Variants in CYP4X1 observed in about 807,000 individuals in gnomAD.
CYP4X1 encodes the protein cytochrome P450 family 4 subfamily X member 1, also known as cytochrome P450 4X1.
CYP4X1 carries 44 observed loss-of-function variants against 57.9 expected under a neutral mutation model. That is an observed-to-expected ratio of 0.76 (90% CI 0.60 to 0.98). CYP4X1 has a LOEUF of 0.98. Among genes scored for constraint, CYP4X1 ranks in the 50% least tolerant of loss-of-function variants. The pLI is 0.00. For synonymous variants in CYP4X1, 227 were observed against 228.6 expected, an observed-to-expected ratio of 0.99 and a Z score of 0.06; for missense variants, 532 against 623.9, an observed-to-expected ratio of 0.85 and a Z score of 1.57.
chr1:47,047,259 T>C (rs560739766), intron 9 of CYP4X1, among the ~76,000 whole-genome samples: 1 of 152,282 alleles, frequency 6.6e-6, no homozygotes, highest in African/African-American at 2.4e-5. Context: ...AACACAGGTT[T>C]CTGAGCAGGG....
chr1:46,998,793 A>T, the CYP4X1 span, among the ~76,000 whole-genome samples: 1 of 152,070 alleles, frequency 6.6e-6, no homozygotes, highest in Non-Finnish European at 1.5e-5. Context: ...GTATATAGCT[A>T]GCCAGTTTTC....
chr1:47,040,101 G>A (rs963798390), intron 8 of CYP4X1, among the ~76,000 whole-genome samples: 1 of 152,114 alleles, frequency 6.6e-6, no homozygotes, highest in South Asian at 2.1e-4. Flanking sequence ...CCCTGTCTTC[G>A]GTGAGCTAAT....
the CYP4X1 span, among the ~76,000 whole-genome samples, chr1:47,003,911 T>C: frequency 1.3e-5 from 2 of 152,110 alleles, no homozygotes; most frequent in Admixed American, 1.3e-4. Flanking sequence ...CAAAATACAA[T>C]CATGCCTTCA....
rs774327905 is a variant in CYP4X1, at chr1:47,030,049, C to T, written c.237C>T (p.Ala79=). The T allele has an allele frequency of 9.3e-6, 15 of 1,614,126 alleles. No individual in the cohort carries two copies. In the East Asian group the frequency reaches 2.9e-4, roughly 31 times the overall value. ...AAATTATTGAAAAATACCCTCGTGC[C>T]TTCCCTTTCTGGATTGGGCCCTTTC... The part of the protein sequence containing the change: ...LEEIIEKYPR[A]FPFWIGPFQA... The change falls in exon 2 of 12, where the codon GCC becomes GCT. Residue 79 remains alanine (A), a synonymous_variant. Transcript: ENST00000371901.
downstream of CYP4X1, among the ~76,000 whole-genome samples, chr1:47,052,790 C>T (rs71645839): frequency 2.9e-4 from 25 of 87,348 alleles, no homozygotes; most frequent in African/African-American, 1.0e-3. Flanking sequence ...AATAAACAAA[C>T]AAATAAATAA....
At chr1:47,036,370 T>TTATATATATATATA (rs58369367) in intron 6 of CYP4X1, among the ~76,000 whole-genome samples, 199 bp downstream of exon 6, 2,152 of 129,756 alleles carry the variant, frequency 0.017, 125 homozygotes, top group East Asian at 0.1. Flanking sequence ...ATCAGAATTT[T>TTATATATATATATA]TATATATATA....
the CYP4X1 span, among the ~76,000 whole-genome samples, chr1:46,989,570 C>CA: frequency 6.6e-6 from 1 of 152,108 alleles, no homozygotes; most frequent in African/African-American, 2.4e-5. Context: ...CATATGGAAC[C>CA]AAAAAAGAGC....
At chr1:46,971,777 T>G in the CYP4X1 span, among the ~76,000 whole-genome samples, 4 of 152,154 alleles carry the variant, frequency 2.6e-5, no homozygotes, top group African/African-American at 9.6e-5. Flanking sequence ...TTGGTTTTTT[T>G]GTTTTGTTTT....
chr1:47,025,046 A>T (rs1284202008), intron 1 of CYP4X1, among the ~76,000 whole-genome samples: 2 of 152,190 alleles, frequency 1.3e-5, no homozygotes, highest in Non-Finnish European at 2.9e-5. Flanking sequence ...GTCCCCACCA[A>T]GCCTCATGTT....
At chr1:47,052,922 T>A (rs575056195), downstream of CYP4X1, among the ~76,000 whole-genome samples, 8 of 152,258 alleles carry the variant, frequency 5.3e-5, no homozygotes, top group South Asian at 6.2e-4. Flanking sequence ...TTCTTTTTTT[T>A]ATTTTATTAT....
the CYP4X1 span, among the ~76,000 whole-genome samples, chr1:46,995,188 A>AT: frequency 0.86 from 130,685 of 152,052 alleles, 59,253 homozygotes; most frequent in East Asian, 1. Context: ...CTGAGCCTCA[A>AT]TTTTTTCTGT....
downstream of CYP4X1, among the ~76,000 whole-genome samples, chr1:47,053,676 G>A (rs1306502314): frequency 6.6e-6 from 1 of 152,198 alleles, no homozygotes. Context: ...CAGTGATGAT[G>A]AGCATTTTTT....
intron 11 of CYP4X1, 112 bp from the exon 12 acceptor site, chr1:47,049,888 G>A (rs1268666120): frequency 2.7e-6 from 3 of 1,124,468 alleles, no homozygotes; most frequent in African/African-American, 1.9e-5. Flanking sequence ...ATGGCATTTG[G>A]TGGAAAAATA....
chr1:47,045,513 A>G (rs1223174383), intron 8 of CYP4X1, among the ~76,000 whole-genome samples: 1 of 152,174 alleles, frequency 6.6e-6, no homozygotes, highest in Non-Finnish European at 1.5e-5. Context: ...ACTTTCAAAT[A>G]CTTATCCACT....
the CYP4X1 span, among the ~76,000 whole-genome samples, chr1:46,970,977 G>C: frequency 6.6e-6 from 1 of 152,234 alleles, no homozygotes; most frequent in Admixed American, 6.5e-5. Context: ...AGGTTTGTTA[G>C]ATAGGTAAAT....
intron 2 of CYP4X1, among the ~76,000 whole-genome samples, chr1:47,030,699 A>C (rs934467406): frequency 1.3e-5 from 2 of 152,226 alleles, no homozygotes; most frequent in African/African-American, 4.8e-5. Flanking sequence ...ATAGCATAAT[A>C]CTAAAATGTC....
At chr1:46,987,274 A>C in the CYP4X1 span, among the ~76,000 whole-genome samples, 1 of 152,214 alleles carries the variant, frequency 6.6e-6, no homozygotes, top group Non-Finnish European at 1.5e-5. Context: ...ACAAAGATCA[A>C]AAGATACAAA....
chr1:46,971,613 C>T, the CYP4X1 span, among the ~76,000 whole-genome samples: 1 of 152,108 alleles, frequency 6.6e-6, no homozygotes, highest in Admixed American at 6.6e-5. Context: ...TGAAAATAGC[C>T]ATTCTGACTT....
intron 10 of CYP4X1, among the ~76,000 whole-genome samples, chr1:47,049,081 G>A (rs116671785): frequency 0.043 from 6,553 of 152,276 alleles, 157 homozygotes; most frequent in South Asian, 0.052. Context: ...TAGTAGCCAC[G>A]GGCCACATAC....
Sources: gnomAD v4.1 joint callset for allele counts (sites outside exome capture counted in the v4.1 genomes callset) on GRCh38, gnomAD v4.1.1 for gene constraint, MANE v1.5 for transcripts, NCBI Gene and HGNC (gene_info 2026-07-23, HGNC 2026-07-21) for gene names.